TRIQK: variants seen among roughly 807,000 people sequenced by gnomAD.
TRIQK encodes the protein triple QxxK/R motif-containing protein.
In TRIQK, 10 loss-of-function variants were observed where a neutral mutation model predicts 10.8. The ratio of observed to expected loss-of-function variants is 0.92; its 90% CI spans 0.57 to 1.57. The LOEUF (loss-of-function observed/expected upper bound fraction) is 1.57. TRIQK is among the 40% of genes most tolerant of loss of function. The pLI is 0.00. For missense variants in TRIQK, 107 were observed against 97.7 expected, an observed-to-expected ratio of 1.09 and a Z score of -0.40; for synonymous variants, 33 against 33.7, an observed-to-expected ratio of 0.98 and a Z score of 0.07.
intron 1 of TRIQK, among the ~76,000 whole-genome samples, chr8:93,009,954 C>T (rs1813315009): frequency 6.6e-6 from 1 of 152,006 alleles, no homozygotes; most frequent in Admixed American, 6.6e-5. Context: ...AAAATAGAGT[C>T]CTGTCCTTTG....
At chr8:93,011,345 C>T (rs1174016560) in intron 1 of TRIQK, among the ~76,000 whole-genome samples, 1 of 151,960 alleles carries the variant, frequency 6.6e-6, no homozygotes, top group African/African-American at 2.4e-5. Flanking sequence ...CATCATTAAG[C>T]AGTGGAACTG....
chr8:92,924,538 T>C (rs184140930), intron 2 of TRIQK, among the ~76,000 whole-genome samples: 3 of 152,128 alleles, frequency 2.0e-5, no homozygotes, highest in East Asian at 1.9e-4. Flanking sequence ...TATTGTAATA[T>C]TGCACACAAG....
At chr8:93,015,162 TATATA>T (rs1309627098) in intron 1 of TRIQK, among the ~76,000 whole-genome samples, 1 of 151,876 alleles carries the variant, frequency 6.6e-6, no homozygotes, top group Non-Finnish European at 1.5e-5. Context: ...TATGAACTAA[TATATA>T]AAGATAGTTT....
intron 2 of TRIQK, among the ~76,000 whole-genome samples, chr8:92,927,009 C>A (rs1222628758): frequency 2.0e-5 from 3 of 152,030 alleles, no homozygotes; most frequent in African/African-American, 4.8e-5. Flanking sequence ...TCTGATCATG[C>A]CACTGCACTC....
chr8:92,993,726 A>C (rs1034153142), intron 1 of TRIQK, among the ~76,000 whole-genome samples: 2 of 152,218 alleles, frequency 1.3e-5, no homozygotes, highest in Admixed American at 1.3e-4. Context: ...TGATCATGCC[A>C]ATTCCCGTGT....
At chr8:92,935,283 T>C (rs1274463719) in intron 2 of TRIQK, among the ~76,000 whole-genome samples, 3 of 151,790 alleles carry the variant, frequency 2.0e-5, no homozygotes, top group Non-Finnish European at 4.4e-5. Context: ...AGATTCCAAC[T>C]TGATCAATGT....
At chr8:92,948,563 A>G (rs1443948694) in intron 2 of TRIQK, among the ~76,000 whole-genome samples, 1 of 152,198 alleles carries the variant, frequency 6.6e-6, no homozygotes, top group Non-Finnish European at 1.5e-5. Context: ...CCTTATACCT[A>G]TCAGCTAGTT....
chr8:92,911,821 G>A (rs1231858051), intron 3 of TRIQK, among the ~76,000 whole-genome samples: 2 of 147,986 alleles, frequency 1.4e-5, no homozygotes, highest in African/African-American at 2.5e-5. Context: ...GTACATACAT[G>A]TATATGTATA....
At chr8:92,952,285 T>G (rs1205437544) in intron 2 of TRIQK, among the ~76,000 whole-genome samples, 1 of 151,998 alleles carries the variant, frequency 6.6e-6, no homozygotes, top group Non-Finnish European at 1.5e-5. Flanking sequence ...GAAATGCTAG[T>G]GATCAAAAAC....
intron 3 of TRIQK, among the ~76,000 whole-genome samples, chr8:92,911,799 A>ACT (rs1343017409): frequency 6.7e-6 from 1 of 149,992 alleles, no homozygotes; most frequent in Non-Finnish European, 1.5e-5. Context: ...ATACATATAT[A>ACT]TGTGTATATA....
chr8:93,017,324 A>G (rs1364589239), intron 1 of TRIQK, among the ~76,000 whole-genome samples: 2 of 152,202 alleles, frequency 1.3e-5, no homozygotes, highest in African/African-American at 4.8e-5. Context: ...GCAAAATAGC[A>G]TCTGGAGATG....
At chr8:92,963,299 T>A (rs947069715) in intron 1 of TRIQK, among the ~76,000 whole-genome samples, 1 of 152,152 alleles carries the variant, frequency 6.6e-6, no homozygotes, top group Non-Finnish European at 1.5e-5. Flanking sequence ...ACTACTGATA[T>A]CCACTTTTAT....
intron 2 of TRIQK, among the ~76,000 whole-genome samples, chr8:92,945,119 C>T (rs1811462674): frequency 6.6e-6 from 1 of 152,120 alleles, no homozygotes; most frequent in African/African-American, 2.4e-5. Flanking sequence ...AATCATTACC[C>T]ATTATCCTAT....
chr8:92,891,883 G>T, intron 4 of TRIQK, 106 bp downstream of exon 4: 2 of 785,526 alleles, frequency 2.5e-6, no homozygotes, highest in African/African-American at 1.8e-5. Context: ...TATTTAGATT[G>T]TGAAATGTCA....
chr8:92,910,719 A>G (rs1809524750), intron 3 of TRIQK, among the ~76,000 whole-genome samples: 2 of 151,314 alleles, frequency 1.3e-5, no homozygotes, highest in South Asian at 4.1e-4. Flanking sequence ...CAGACACTTC[A>G]TAAGTACTTT....
intron 1 of TRIQK, among the ~76,000 whole-genome samples, chr8:93,014,394 T>C (rs1486250606): frequency 6.6e-6 from 1 of 152,096 alleles, no homozygotes; most frequent in Non-Finnish European, 1.5e-5. Flanking sequence ...GCCATTTTGC[T>C]ATATGAACAA....
intron 3 of TRIQK, 94 bp downstream of exon 3, chr8:92,916,835 T>A: frequency 1.1e-6 from 1 of 872,576 alleles, no homozygotes; most frequent in Non-Finnish European, 1.6e-6. Context: ...TTTCTGTGTA[T>A]CATATGTATT....
chr8:92,901,289 C>G (rs183615295), intron 3 of TRIQK, among the ~76,000 whole-genome samples: 6 of 152,008 alleles, frequency 3.9e-5, no homozygotes, highest in East Asian at 1.9e-4. Context: ...TGTTGAATAA[C>G]GGGGGTGGAA....
At chr8:92,948,134 G>A (rs181875987) in intron 2 of TRIQK, among the ~76,000 whole-genome samples, 1 of 152,026 alleles carries the variant, frequency 6.6e-6, no homozygotes, top group Non-Finnish European at 1.5e-5. Flanking sequence ...TGTAGTAAAG[G>A]CACAAAGATT....
Sources: allele counts gnomAD v4.1 joint callset (sites outside exome capture counted in the v4.1 genomes callset), GRCh38; gene constraint gnomAD v4.1.1; transcripts MANE v1.5; gene names NCBI Gene and HGNC (gene_info 2026-07-23, HGNC 2026-07-21).